PECAM1: variants seen among roughly 807,000 people sequenced by gnomAD.
PECAM1 encodes the protein platelet and endothelial cell adhesion molecule 1.
Under a neutral mutation model 13.8 loss-of-function variants are expected in PECAM1, and 8 were observed. That is an observed-to-expected ratio of 0.58 (90% CI 0.34 to 1.05). The LOEUF (loss-of-function observed/expected upper bound fraction) is 1.05, where lower values mean the gene tolerates loss of function less well. Among genes scored for constraint, PECAM1 ranks in the 50% least tolerant of loss-of-function variants. The pLI is 0.03. For synonymous variants in PECAM1, 136 were observed against 52.6 expected, an observed-to-expected ratio of 2.58 and a Z score of -6.86; for missense variants, 304 against 141.2, an observed-to-expected ratio of 2.15 and a Z score of -5.84.
intron 2 of PECAM1, among the ~76,000 whole-genome samples, chr17:64,387,334 T>G (rs1598060821): frequency 2.7e-5 from 4 of 148,382 alleles, no homozygotes; most frequent in African/African-American, 5.0e-5. Context: ...GTCTGAGAGG[T>G]GAGGTGGGTA....
At chr17:64,372,974 C>A (rs1248486736) in intron 4 of PECAM1, among the ~76,000 whole-genome samples, 1 of 151,062 alleles carries the variant, frequency 6.6e-6, no homozygotes, top group Admixed American at 6.6e-5. Flanking sequence ...ATTAGCCAGG[C>A]GTGGTGGCAC....
chr17:64,325,388 A>C (rs961148465), intron 15 of PECAM1, among the ~76,000 whole-genome samples: 1 of 125,586 alleles, frequency 8.0e-6, no homozygotes, highest in Non-Finnish European at 1.9e-5. Flanking sequence ...ACTCCGTCTC[A>C]AAAAAAAAGA....
intron 13 of PECAM1, among the ~76,000 whole-genome samples, chr17:64,342,646 T>G (rs1174429837): frequency 1.3e-5 from 2 of 152,028 alleles, no homozygotes; most frequent in Non-Finnish European, 2.9e-5. Flanking sequence ...GGCCCTAATA[T>G]GCAGACAGGG....
intron 3 of PECAM1, among the ~76,000 whole-genome samples, chr17:64,375,691 A>T (rs1446676056): frequency 1.3e-5 from 2 of 151,628 alleles, no homozygotes; most frequent in African/African-American, 4.8e-5. Context: ...AGGGGTAGTT[A>T]GTGGTGTGCA....
At position 64,348,214 on chromosome 17, in the gene PECAM1, C is replaced by A. The variant is rs1244077768; in HGVS notation, c.2107+46G>T. 3 of 474,254 alleles carry A rather than the reference C, an allele frequency of 6.3e-6. No homozygotes were observed. The Admixed American group carries it at 9.5e-5, about 15-fold the overall frequency. 29.4% of individuals were successfully genotyped at this position (474,254 alleles called of 1,614,324 possible). A position where few individuals can be genotyped will look rare whatever the true frequency, so the allele number is the denominator to read the frequency against. The stretch of plus-strand genomic sequence containing the variant: ...ACCCCCGCCACCACTGGGGTTTAAA[C>A]CCAAGCCAAAGGCAATGCCTGGGGA... On this transcript the variant is annotated intron_variant, in intron 13 of 15. Transcript: ENST00000563924.
chr17:64,380,681 A>G (rs2036463115), intron 2 of PECAM1, among the ~76,000 whole-genome samples: 1 of 152,260 alleles, frequency 6.6e-6, no homozygotes, highest in African/African-American at 2.4e-5. Flanking sequence ...AAGAGTCTGC[A>G]GACAAATTAT....
At position 64,390,622 on chromosome 17, in the gene PECAM1, A is replaced by C. The variant is rs1598064856; in HGVS notation, c.44T>G (p.Val15Gly). The C allele has an allele frequency of 2.1e-6, 1 of 469,054 alleles. No individual in the cohort carries two copies. The highest frequency in any genetic ancestry group is 3.9e-6 in the Non-Finnish European group (1 of 256,410). The allele number at this position is 469,054 out of a possible 1,614,324, so 29.1% of individuals were successfully genotyped here. Residue 15 changes from valine (V) to glycine (G), a missense_variant, in exon 1 of 16, where the codon GTC (valine) becomes GGC (glycine). Transcript: ENST00000563924. ...WAQGATMWLG[V>G]LLTLLLCSSL... The stretch of plus-strand genomic sequence containing the variant: ...CTCACAGAGCAGAAGGGTCAGCAGG[A>C]CTCCAAGCCACATCGTGGCCCCTTG...
At chr17:64,370,068 C>A (rs2036206068) in intron 4 of PECAM1, 43 bp from the exon 5 acceptor site, 3 of 398,466 alleles carry the variant, frequency 7.5e-6, no homozygotes, top group Non-Finnish European at 8.8e-6. Flanking sequence ...AGGTGCAAAC[C>A]TGGGCAAGAG....
intron 15 of PECAM1, among the ~76,000 whole-genome samples, chr17:64,327,060 C>T (rs2034977625): frequency 6.6e-6 from 1 of 152,206 alleles, no homozygotes; most frequent in Admixed American, 6.5e-5. Flanking sequence ...GAAATTTGCC[C>T]ATGGTGACAT....
At chr17:64,389,326 G>A (rs2036666937) in intron 2 of PECAM1, among the ~76,000 whole-genome samples, 1 of 152,166 alleles carries the variant, frequency 6.6e-6, no homozygotes, top group African/African-American at 2.4e-5. Flanking sequence ...GGACACTACT[G>A]AGCCCCCTCA....
At chr17:64,365,423 A>G (rs2036081094) in intron 5 of PECAM1, among the ~76,000 whole-genome samples, 1 of 150,178 alleles carries the variant, frequency 6.7e-6, no homozygotes, top group Non-Finnish European at 1.5e-5. Context: ...ATTCAATGCC[A>G]TCCCCATCAA....
intron 11 of PECAM1, among the ~76,000 whole-genome samples, chr17:64,351,433 C>G (rs2035720456): frequency 6.6e-6 from 1 of 152,046 alleles, no homozygotes; most frequent in African/African-American, 2.4e-5. Flanking sequence ...GCTGATAAAG[C>G]AAGAAAAGTG....
intron 13 of PECAM1, among the ~76,000 whole-genome samples, chr17:64,346,770 G>A (rs1468255670): frequency 1.3e-5 from 2 of 152,196 alleles, no homozygotes; most frequent in South Asian, 2.1e-4. Context: ...GCCTGCCCTT[G>A]AGAGAACCAC....
chr17:64,383,987 C>T (rs945302828), intron 2 of PECAM1, among the ~76,000 whole-genome samples: 13 of 151,940 alleles, frequency 8.6e-5, no homozygotes, highest in African/African-American at 2.2e-4. Flanking sequence ...AAAAATTAGC[C>T]GGGCATGGTA....
intron 10 of PECAM1, among the ~76,000 whole-genome samples, 173 bp downstream of exon 10, chr17:64,353,318 C>T (rs956831933): frequency 9.9e-4 from 150 of 151,570 alleles, no homozygotes; most frequent in Non-Finnish European, 1.2e-3. Flanking sequence ...CACACACACA[C>T]ACACACACAC....
chr17:64,322,437 G>C lies in PECAM1; in HGVS notation c.*1379C>G, dbSNP rs1305036048. 7.1e-6 allele frequency: 7 copies of C among 985,932 alleles called. No homozygotes were observed. The highest frequency in any genetic ancestry group is 7.2e-6 in the Non-Finnish European group (6 of 830,396). 61.1% of individuals were successfully genotyped at this position (985,932 alleles called of 1,614,324 possible). ...CTGCTCGGTTCTCTCTGTGACTTCA[G>C]AGGCCCAAGGAGTCCTCAGCACTAT... On this transcript the variant is annotated 3_prime_UTR_variant, in exon 16 of 16. Coordinates refer to ENST00000563924, the MANE Select transcript of PECAM1 (RefSeq NM_000442.5).
intron 15 of PECAM1, 51 bp downstream of exon 15, chr17:64,329,649 A>C (rs554418124): frequency 1.4e-6 from 1 of 731,014 alleles, no homozygotes; most frequent in East Asian, 2.6e-5. Flanking sequence ...GAAATATTTC[A>C]CTGTTCAGTG....
chr17:64,352,262 A>G, intron 11 of PECAM1, 128 bp downstream of exon 11: 1 of 409,260 alleles, frequency 2.4e-6, no homozygotes, highest in African/African-American at 2.1e-5. Flanking sequence ...GAGATGAAGT[A>G]CCCTGTTGAA....
At chr17:64,329,867 G>C in intron 14 of PECAM1, 145 bp from the exon 15 acceptor site, 1 of 689,568 alleles carries the variant, frequency 1.5e-6, no homozygotes, top group Non-Finnish European at 2.7e-6. Context: ...GCCCTTAGAG[G>C]TTTATGGCTC....
Sources: gnomAD v4.1 joint callset for allele counts (sites outside exome capture counted in the v4.1 genomes callset) on GRCh38, gnomAD v4.1.1 for gene constraint, MANE v1.5 for transcripts, NCBI Gene and HGNC (gene_info 2026-07-23, HGNC 2026-07-21) for gene names.